The following KCTD13 variants were observed in gnomAD, a reference collection of about 807,000 sequenced individuals.
KCTD13 encodes BTB/POZ domain-containing adapter for CUL3-mediated RhoA degradation protein 1.
Under a neutral mutation model 32.3 loss-of-function variants are expected in KCTD13, and 15 were observed. The observed-to-expected ratio is 0.46, with a 90% CI of 0.31 to 0.71. KCTD13 has a LOEUF of 0.71. Among genes scored for constraint, KCTD13 ranks in the 30% least tolerant of loss-of-function variants. KCTD13 has a pLI of 0.05. For synonymous variants in KCTD13, 189 were observed against 200.1 expected (o/e 0.94, Z 0.47); for missense variants, 337 against 452.6 (o/e 0.74, Z 2.32).
At chr16:29,916,428 C>G (rs2068811033) in intron 2 of KCTD13, among the ~76,000 whole-genome samples, 5 of 152,188 alleles carry the variant, frequency 3.3e-5, no homozygotes, top group Admixed American at 3.3e-4. Flanking sequence ...CTAACAATCT[C>G]CTCAAAGTCC....
Position 29,906,751 on chromosome 16 carries a change from G to A in KCTD13, c.*121C>T. ...GCCAAAGTGAGCTGTGCCATGCAAT[G>A]AAGGGACAGAGGAGGACCCACGACT... On this transcript the variant is annotated 3_prime_UTR_variant, in exon 6 of 6. Transcript: ENST00000568000. The A allele has an allele frequency of 1.3e-6, 1 of 781,528 alleles. No homozygotes were observed. The highest frequency in any genetic ancestry group is 1.6e-5 in the South Asian group (1 of 61,828). 48.4% of individuals were successfully genotyped at this position (781,528 alleles called of 1,614,324 possible). A position where few individuals can be genotyped will look rare whatever the true frequency, so the allele number is the denominator to read the frequency against.
At chr16:29,917,289 C>T (rs2068826476) in intron 2 of KCTD13, among the ~76,000 whole-genome samples, 1 of 152,106 alleles carries the variant, frequency 6.6e-6, no homozygotes, top group Non-Finnish European at 1.5e-5. Context: ...AATCCCTTCA[C>T]AATCATATTT....
At chr16:29,924,758 G>A (rs1026736620) in intron 1 of KCTD13, among the ~76,000 whole-genome samples, 2 of 135,216 alleles carry the variant, frequency 1.5e-5, no homozygotes, top group Non-Finnish European at 3.0e-5. Flanking sequence ...TCTCTCTGTC[G>A]CCCAGGCTGG....
chr16:29,917,979 G>A (rs1446940572), intron 2 of KCTD13, among the ~76,000 whole-genome samples: 1 of 151,966 alleles, frequency 6.6e-6, no homozygotes, highest in Non-Finnish European at 1.5e-5. Context: ...AAAGCTCACA[G>A]GTAACAGAAA....
In KCTD13 at chr16:29,911,045, T is replaced by C. The variant is rs2150834535; in HGVS notation, c.686A>G (p.Gln229Arg). 6.2e-7 allele frequency: 1 copy of C among 1,614,176 alleles called. No individual in the cohort carries two copies. The highest frequency in any genetic ancestry group is 8.5e-7 in the Non-Finnish European group (1 of 1,180,014). The stretch of plus-strand genomic sequence containing the variant: ...GCACACCTCGGCGATTTTGCGGCCC[T>C]GCCCGTAGAAAGACCAGCAGCAGAT... ...DEICCWSFYGQGRKIAEVCCT... is the reference protein window; with the variant it reads ...DEICCWSFYGRGRKIAEVCCT... The change falls in exon 5 of 6, where the codon CAG (glutamine) becomes CGG (arginine). Residue 229 changes from glutamine (Q) to arginine (R), a missense_variant. By Grantham distance (43) the Gln-to-Arg change is conservative. Coordinates refer to ENST00000568000, the MANE Select transcript of KCTD13 (RefSeq NM_178863.5).
Position 29,926,052 on chromosome 16 carries a change from A to C in KCTD13, c.-19T>G. 2 of 1,481,884 alleles carry C rather than the reference A, an allele frequency of 1.3e-6. No individual in the cohort carries two copies. The highest frequency in any genetic ancestry group is 1.8e-6 in the Non-Finnish European group (2 of 1,123,144). 91.8% of individuals were successfully genotyped at this position (1,481,884 alleles called of 1,614,324 possible). On this transcript the variant is annotated 5_prime_UTR_variant, in exon 1 of 6. Coordinates refer to ENST00000568000, the MANE Select transcript of KCTD13 (RefSeq NM_178863.5). Reference sequence around the variant, plus strand: ...CCGACATGCCGGGTAGCAGCGGCGGACGGCGATCCCAGGATCTCTCCGCGC... The same window carrying C: ...CCGACATGCCGGGTAGCAGCGGCGGCCGGCGATCCCAGGATCTCTCCGCGC...
In KCTD13 at chr16:29,925,891, C is replaced by G; in HGVS notation, c.143G>C (p.Gly48Ala). The G allele has an allele frequency of 6.2e-7, 1 of 1,614,092 alleles. No individual in the cohort carries two copies. The highest frequency in any genetic ancestry group is 8.5e-7 in the Non-Finnish European group (1 of 1,179,990). Residue 48 changes from glycine to alanine, a missense_variant, in exon 1 of 6, where the codon GGC becomes GCC. This residue lies in a region of KCTD13 where 21 missense variants were observed against 52.7 expected (regional missense o/e 0.40). Coordinates refer to ENST00000568000, the MANE Select transcript of KCTD13 (RefSeq NM_178863.5). ...CAGCGTGGTGTAGTGCAACGAGCCG[C>G]CCACGTTCAGCTTCACGTATTTGCT... ...PNSKYVKLNV[G>A]GSLHYTTLRT...
chr16:29,910,789 A>T (rs1005938699), intron 5 of KCTD13, among the ~76,000 whole-genome samples, 189 bp downstream of exon 5: 11 of 151,970 alleles, frequency 7.2e-5, no homozygotes, highest in Non-Finnish European at 1.6e-4. Flanking sequence ...CTAACCCGTG[A>T]CCCCCATTTC....
chr16:29,911,779 A>T, intron 4 of KCTD13, 36 bp downstream of exon 4: 1 of 1,609,678 alleles, frequency 6.2e-7, no homozygotes, highest in Non-Finnish European at 8.5e-7. Context: ...GCTGCATCCC[A>T]GGGTCCCGCC....
At chr16:29,908,843 C>A (rs907390258) in intron 5 of KCTD13, among the ~76,000 whole-genome samples, 4 of 151,880 alleles carry the variant, frequency 2.6e-5, no homozygotes, top group African/African-American at 4.8e-5. Flanking sequence ...CCTGGGTGTA[C>A]CACTATGTCC....
At chr16:29,908,467 C>A (rs1278678388) in intron 5 of KCTD13, among the ~76,000 whole-genome samples, 1 of 152,120 alleles carries the variant, frequency 6.6e-6, no homozygotes, top group Non-Finnish European at 1.5e-5. Context: ...TCACTGCAAC[C>A]TCCACTTCCC....
In KCTD13 at chr16:29,923,743, TC is replaced by T. The variant is rs1253745245; in HGVS notation, c.245-385del. On this transcript the variant is annotated intron_variant, in intron 1 of 5. Coordinates refer to ENST00000568000, the MANE Select transcript of KCTD13 (RefSeq NM_178863.5). ...GGGCTTGGTGGCTGGTGCCAGCTAC[TC>T]GGGGGGGGGCGAGGCAGGAGAATCG... Among the ~76,000 whole-genome samples the T allele has an allele frequency of 1.1e-4, 17 of 148,930 alleles. No homozygotes were observed. In the East Asian group the frequency reaches 1.4e-3, roughly 12 times the overall value.
intron 5 of KCTD13, among the ~76,000 whole-genome samples, chr16:29,907,958 A>C (rs2068640861): frequency 6.6e-6 from 1 of 151,468 alleles, no homozygotes; most frequent in Non-Finnish European, 1.5e-5. Flanking sequence ...AGCCTGGGCA[A>C]TGTAGCAAGA....
intron 5 of KCTD13, among the ~76,000 whole-genome samples, chr16:29,907,855 A>G (rs1395660422): frequency 6.6e-6 from 1 of 151,568 alleles, no homozygotes; most frequent in Non-Finnish European, 1.5e-5. Context: ...GAAACGATAT[A>G]AGCTGGGTGT....
chr16:29,909,853 T>C (rs1373625290), intron 5 of KCTD13, among the ~76,000 whole-genome samples: 5 of 151,642 alleles, frequency 3.3e-5, no homozygotes, highest in African/African-American at 1.2e-4. Context: ...GCAGATCACT[T>C]GAGGTCAGGG....
chr16:29,922,077 T>G (rs1486993427), intron 2 of KCTD13: 1 of 152,170 alleles, frequency 6.6e-6, no homozygotes, highest in Non-Finnish European at 1.5e-5. Flanking sequence ...AAATAAGTAA[T>G]GGGTCCCAAA....
chr16:29,925,511 T>G, intron 1 of KCTD13: 9 of 494,296 alleles, frequency 1.8e-5, no homozygotes, highest in Middle Eastern at 5.7e-4. Flanking sequence ...GTCATGAGGA[T>G]TATGAACTGA....
At chr16:29,909,160 T>G (rs2068662719) in intron 5 of KCTD13, among the ~76,000 whole-genome samples, 1 of 152,116 alleles carries the variant, frequency 6.6e-6, no homozygotes, top group Non-Finnish European at 1.5e-5. Context: ...CTCAAGGAAC[T>G]AACACCTCGC....
At chr16:29,924,177 A>G (rs1357639687) in intron 1 of KCTD13, among the ~76,000 whole-genome samples, 1 of 151,262 alleles carries the variant, frequency 6.6e-6, no homozygotes, top group Non-Finnish European at 1.5e-5. Flanking sequence ...TCCATCTCAA[A>G]AAAAAAGAAA....
Sources: gnomAD v4.1 joint callset for allele counts (sites outside exome capture counted in the v4.1 genomes callset) on GRCh38, gnomAD v4.1.1 for gene constraint, gnomAD v4.1.1 regional missense constraint, MANE v1.5 for transcripts, NCBI Gene and HGNC (gene_info 2026-07-23, HGNC 2026-07-21) for gene names.